Variants in CSMD1 observed in about 807,000 individuals in gnomAD.
CSMD1 encodes CUB and Sushi multiple domains 1, also known as CUB and sushi domain-containing protein 1.
In CSMD1, 213 loss-of-function variants were observed where a neutral mutation model predicts 417.5. The observed-to-expected ratio is 0.51, with a 90% CI of 0.46 to 0.57. The LOEUF (loss-of-function observed/expected upper bound fraction) is 0.57, where lower values mean the gene tolerates loss of function less well. Ranked by LOEUF, CSMD1 falls within the 20% of genes least tolerant of loss-of-function variation. CSMD1 has a pLI of 0.00. For synonymous variants in CSMD1, 2,862 were observed against 1,736.8 expected (o/e 1.65, Z -16.11); for missense variants, 6,923 against 4,529.7 (o/e 1.53, Z -15.17).
chr8:3,169,628 C>T (rs948482151), intron 37 of CSMD1, among the ~76,000 whole-genome samples: 10 of 152,030 alleles, frequency 6.6e-5, no homozygotes, highest in African/African-American at 2.2e-4. Context: ...CTGAACTGTA[C>T]GCTTAACAAT....
chr8:4,442,962 G>C (rs1164420642), intron 2 of CSMD1, among the ~76,000 whole-genome samples: 1 of 152,018 alleles, frequency 6.6e-6, no homozygotes, highest in Non-Finnish European at 1.5e-5. Flanking sequence ...CAGCACCACA[G>C]GTATCTCCAA....
At chr8:3,343,252 A>C (rs770164533) in intron 23 of CSMD1, 42 bp downstream of exon 23, 1 of 1,568,426 alleles carries the variant, frequency 6.4e-7, no homozygotes, top group South Asian at 1.1e-5. Context: ...ATATGTCCTG[A>C]CAAAATGAAA....
At chr8:3,150,152 A>C (rs977121760) in intron 40 of CSMD1, among the ~76,000 whole-genome samples, 1 of 152,140 alleles carries the variant, frequency 6.6e-6, no homozygotes, top group African/African-American at 2.4e-5. Context: ...TCACTGCCTC[A>C]TGCTCAGAGA....
chr8:4,915,933 T>C (rs1806037991), intron 1 of CSMD1, among the ~76,000 whole-genome samples: 1 of 152,200 alleles, frequency 6.6e-6, no homozygotes, highest in Non-Finnish European at 1.5e-5. Context: ...GGTATAAAAC[T>C]GCAAGTGGCA....
intron 40 of CSMD1, among the ~76,000 whole-genome samples, chr8:3,150,136 GCAGAATCA>G (rs1191759577): frequency 1.3e-5 from 2 of 152,100 alleles, no homozygotes; most frequent in Non-Finnish European, 2.9e-5. Context: ...TTTAGCCCTG[GCAGAATCA>G]CTGCCTCATG....
intron 3 of CSMD1, among the ~76,000 whole-genome samples, chr8:4,386,440 A>C (rs1803461198): frequency 6.6e-6 from 1 of 152,206 alleles, no homozygotes; most frequent in African/African-American, 2.4e-5. Context: ...ACACTATCAG[A>C]CATTCTCCTC....
chr8:4,071,409 TGTAG>T (rs1799551034), intron 3 of CSMD1, among the ~76,000 whole-genome samples: 6 of 152,174 alleles, frequency 3.9e-5, no homozygotes, highest in African/African-American at 1.2e-4. Context: ...TAAAAAAAAT[TGTAG>T]TTTAGATATT....
chr8:3,601,794 G>T (rs747540490), intron 8 of CSMD1, among the ~76,000 whole-genome samples: 2 of 152,146 alleles, frequency 1.3e-5, no homozygotes, highest in Admixed American at 6.5e-5. Context: ...TTTCCAATTC[G>T]TTTAAAAACT....
intron 5 of CSMD1, among the ~76,000 whole-genome samples, chr8:3,760,954 G>T (rs1336045979): frequency 6.9e-6 from 1 of 144,226 alleles, no homozygotes; most frequent in Non-Finnish European, 1.5e-5. Context: ...TAAAAGATGT[G>T]CTTTTTCTTT....
At chr8:3,579,299 A>G (rs1411123873) in intron 9 of CSMD1, among the ~76,000 whole-genome samples, 2 of 152,020 alleles carry the variant, frequency 1.3e-5, no homozygotes, top group East Asian at 1.9e-4. Flanking sequence ...ATATTTGTTA[A>G]GTATAAAATA....
intron 64 of CSMD1, among the ~76,000 whole-genome samples, chr8:2,955,259 A>G (rs1446614550): frequency 6.6e-6 from 1 of 152,236 alleles, no homozygotes; most frequent in Non-Finnish European, 1.5e-5. Flanking sequence ...CTGAAACTAT[A>G]CCAAGTATTA....
intron 4 of CSMD1, among the ~76,000 whole-genome samples, chr8:4,008,424 A>T (rs904953314): frequency 2.6e-5 from 4 of 151,398 alleles, no homozygotes; most frequent in Non-Finnish European, 5.9e-5. Flanking sequence ...ATTTTTTTTT[A>T]TTTGGAATCT....
chr8:3,041,193 C>T (rs895081873), intron 50 of CSMD1, among the ~76,000 whole-genome samples: 6 of 152,048 alleles, frequency 3.9e-5, no homozygotes, highest in African/African-American at 1.4e-4. Context: ...GGAAATTTTA[C>T]AGGGTTAAAG....
intron 7 of CSMD1, among the ~76,000 whole-genome samples, chr8:3,705,476 C>G (rs957487286): frequency 4.6e-5 from 7 of 152,180 alleles, no homozygotes; most frequent in Non-Finnish European, 1.5e-5. Flanking sequence ...TCACACTCTA[C>G]AGTGAACAGA....
intron 5 of CSMD1, among the ~76,000 whole-genome samples, chr8:3,756,881 C>T (rs1455384326): frequency 4.6e-5 from 7 of 152,052 alleles, no homozygotes; most frequent in East Asian, 3.9e-4. Context: ...CAGCAGTCTC[C>T]GACTCCTGGG....
At chr8:4,509,259 G>A (rs915873558) in intron 2 of CSMD1, among the ~76,000 whole-genome samples, 4 of 152,034 alleles carry the variant, frequency 2.6e-5, no homozygotes, top group Non-Finnish European at 2.9e-5. Flanking sequence ...ATCAGAATAT[G>A]CCATATTTTC....
intron 21 of CSMD1, among the ~76,000 whole-genome samples, chr8:3,354,929 A>ATATCTATATCTATAGATCTATC (rs1554523471): frequency 5.3e-4 from 80 of 149,738 alleles, no homozygotes; most frequent in Admixed American, 7.3e-4. Context: ...CTATCTATAG[A>ATATCTATATCTATAGATCTATC]TATAGATATA....
intron 52 of CSMD1, among the ~76,000 whole-genome samples, chr8:3,011,006 G>A (rs4875860): frequency 2.8e-4 from 42 of 152,024 alleles, no homozygotes; most frequent in Admixed American, 1.3e-3. Context: ...GATTACAGGC[G>A]TGAGCCACCG....
At chr8:3,822,538 G>A (rs186536882) in intron 5 of CSMD1, among the ~76,000 whole-genome samples, 9 of 152,254 alleles carry the variant, frequency 5.9e-5, no homozygotes, top group African/African-American at 1.4e-4. Context: ...TGTCTTCCCC[G>A]ACAGGCAATT....
Sources: allele counts gnomAD v4.1 joint callset (sites outside exome capture counted in the v4.1 genomes callset), GRCh38; gene constraint gnomAD v4.1.1; transcripts MANE v1.5; gene names NCBI Gene and HGNC (gene_info 2026-07-23, HGNC 2026-07-21).